Variants in HDLBP observed in about 807,000 individuals in gnomAD.
HDLBP encodes high density lipoprotein binding protein, also known as vigilin.
Under a neutral mutation model 137.3 loss-of-function variants are expected in HDLBP, and 30 were observed. The observed-to-expected ratio is 0.22, with a 90% CI of 0.16 to 0.30. The LOEUF is 0.30. Ranked by LOEUF, HDLBP falls within the 10% of genes least tolerant of loss-of-function variation. The pLI, the probability that HDLBP is intolerant of heterozygous loss-of-function variation, is 1.00. For synonymous variants in HDLBP, 606 were observed against 596.0 expected (o/e 1.02, Z -0.24); for missense variants, 1,119 against 1,667.3 (o/e 0.67, Z 5.73).
intron 1 of HDLBP, among the ~76,000 whole-genome samples, chr2:241,310,726 C>A (rs1236216317): frequency 6.6e-6 from 1 of 152,122 alleles, no homozygotes; most frequent in African/African-American, 2.4e-5. Context: ...CGTTGAAGAA[C>A]ATGAGTTGCA....
intron 1 of HDLBP, among the ~76,000 whole-genome samples, chr2:241,279,516 C>T (rs1038798732): frequency 2.6e-5 from 4 of 152,092 alleles, no homozygotes; most frequent in African/African-American, 4.8e-5. Context: ...GTGCTAGTGC[C>T]GGGGACAGAC....
chr2:241,292,957 C>A (rs997484164), intron 1 of HDLBP, among the ~76,000 whole-genome samples: 1 of 152,032 alleles, frequency 6.6e-6, no homozygotes, highest in Admixed American at 6.6e-5. Context: ...CACTTGAGTG[C>A]GGGGAGGCTG....
At chr2:241,252,899 A>AC in intron 11 of HDLBP, 58 bp downstream of exon 11, 7 of 1,164,772 alleles carry the variant, frequency 6.0e-6, no homozygotes, top group South Asian at 1.3e-5. Flanking sequence ...CACAGCTGAC[A>AC]CCCCCCACAA....
intron 24 of HDLBP, among the ~76,000 whole-genome samples, chr2:241,232,426 C>T (rs539780758): frequency 6.6e-6 from 1 of 152,156 alleles, no homozygotes; most frequent in East Asian, 1.9e-4. Context: ...CAGGTGCACG[C>T]GACCACGCCT....
intron 1 of HDLBP, among the ~76,000 whole-genome samples, chr2:241,298,823 C>G (rs963287420): frequency 2.6e-5 from 4 of 152,170 alleles, no homozygotes; most frequent in African/African-American, 9.7e-5. Context: ...ACCAAACAAA[C>G]CCACAATAAG....
intron 1 of HDLBP, chr2:241,268,872 C>T (rs1298977633): frequency 6.6e-6 from 1 of 152,220 alleles, no homozygotes. Context: ...TGCTCTCCTG[C>T]ATGGCTGGAT....
chr2:241,234,362 G>C (rs1165816075), intron 23 of HDLBP, among the ~76,000 whole-genome samples: 1 of 152,214 alleles, frequency 6.6e-6, no homozygotes, highest in Non-Finnish European at 1.5e-5. Context: ...AGACCAAGAA[G>C]AGGGGGCAGC....
In HDLBP at chr2:241,303,574, C is replaced by T. The variant is rs150130648; in HGVS notation, c.-103+11996G>A. 2.7e-3 allele frequency among the ~76,000 whole-genome samples: 408 copies of T among 152,252 alleles called. 5 individuals are homozygous for T. Among genetic ancestry groups the T allele is most frequent in the Admixed American group, 2.9e-3 (45 of 15,292 alleles). ...AGGCACCTGCTTAGCATCCCTGGAT[C>T]GCAAGTTTGTTAATCCAAGCACATG... is the stretch of plus-strand genomic sequence containing the variant. On this transcript the variant is annotated intron_variant, in intron 1 of 27. Transcript: ENST00000310931.
At chr2:241,278,986 C>T (rs1001580198) in intron 1 of HDLBP, among the ~76,000 whole-genome samples, 10 of 152,164 alleles carry the variant, frequency 6.6e-5, no homozygotes, top group Admixed American at 6.5e-4. Context: ...GATCACGCCA[C>T]TGCACTGCCG....
chr2:241,277,358 G>C (rs1057318033), intron 1 of HDLBP, among the ~76,000 whole-genome samples: 1 of 152,024 alleles, frequency 6.6e-6, no homozygotes, highest in East Asian at 1.9e-4. Flanking sequence ...TGAACTAAAA[G>C]ACATATACCA....
rs1357101381 is a variant in HDLBP, at chr2:241,238,841, GGCAAGTTTTACA to G, written c.2611-66_2611-55del. On this transcript the variant is annotated intron_variant, in intron 19 of 27. Coordinates refer to ENST00000310931, the MANE Select transcript of HDLBP (RefSeq NM_005336.6). This position sits in a 1 kb window ranked among gnomAD's most constrained non-coding sequence, Gnocchi z 4.9. ...AAAGAGCAAAGATTAAATTCCTTAGGGCAAGTTTTACAGCACTCTTCACACCACCTTCCTCCC... is the reference window on the plus strand; with the variant it reads ...AAAGAGCAAAGATTAAATTCCTTAGGGCACTCTTCACACCACCTTCCTCCC... The G allele has an allele frequency of 2.1e-6, 3 of 1,447,506 alleles. No homozygotes were observed. The highest frequency in any genetic ancestry group is 2.8e-6 in the Non-Finnish European group (3 of 1,080,730). The allele number at this position is 1,447,506 out of a possible 1,614,324, so 89.7% of individuals were successfully genotyped here. A position where few individuals can be genotyped will look rare whatever the true frequency, so the allele number is the denominator to read the frequency against.
chr2:241,230,735 C>T lies in HDLBP; in HGVS notation c.3474+24G>A, dbSNP rs374714304. 2 of 1,609,582 alleles carry T rather than the reference C, an allele frequency of 1.2e-6. No individual in the cohort carries two copies. Among genetic ancestry groups the T allele is most frequent in the Admixed American group, 1.7e-5 (1 of 59,922 alleles). ...GCCCCCGGTGAGAGAGGATTCTCAC[C>T]CACTGTGCTTCCAGCCGGCTCACCT... On this transcript the variant is annotated intron_variant, in intron 25 of 27. Transcript: ENST00000310931. The surrounding 1 kb of genome is among the most constrained non-coding windows in gnomAD (Gnocchi z 5.0).
intron 1 of HDLBP, among the ~76,000 whole-genome samples, chr2:241,314,862 G>A (rs2149748954): frequency 6.6e-6 from 1 of 152,286 alleles, no homozygotes; most frequent in African/African-American, 2.4e-5. Flanking sequence ...CTAAGCGGGG[G>A]AAACCTAGGA....
intron 1 of HDLBP, among the ~76,000 whole-genome samples, chr2:241,278,403 C>T (rs548653764): frequency 2.0e-5 from 3 of 151,964 alleles, no homozygotes; most frequent in South Asian, 2.1e-4. Context: ...GCCAATATGG[C>T]GAAACTCCGT....
intron 16 of HDLBP, among the ~76,000 whole-genome samples, chr2:241,245,112 TAATA>T (rs1574898687): frequency 1.3e-5 from 2 of 152,168 alleles, no homozygotes; most frequent in African/African-American, 2.4e-5. Context: ...TAAACATATG[TAATA>T]AATATAAATA....
intron 2 of HDLBP, 24 bp from the exon 3 acceptor site, chr2:241,266,930 G>T: frequency 1.3e-6 from 2 of 1,526,366 alleles, no homozygotes; most frequent in South Asian, 2.2e-5. Flanking sequence ...GAATAAATCA[G>T]AAGTCAAAGT....
At chr2:241,284,661 A>T (rs942872734) in intron 1 of HDLBP, among the ~76,000 whole-genome samples, 7 of 152,238 alleles carry the variant, frequency 4.6e-5, no homozygotes, top group Non-Finnish European at 1.0e-4. Flanking sequence ...CAATCAAACA[A>T]CATCACGTGC....
chr2:241,293,960 G>C (rs948421735), intron 1 of HDLBP, among the ~76,000 whole-genome samples: 1 of 150,944 alleles, frequency 6.6e-6, no homozygotes, highest in Non-Finnish European at 1.5e-5. Flanking sequence ...ATAGCTACTT[G>C]GTCAATCAAA....
intron 11 of HDLBP, among the ~76,000 whole-genome samples, chr2:241,251,963 G>A (rs62186370): frequency 0.2 from 29,817 of 152,078 alleles, 3,515 homozygotes; most frequent in Middle Eastern, 0.27. Flanking sequence ...GTGACAGAGC[G>A]AGACTCCGTC....
Sources: allele counts gnomAD v4.1 joint callset (sites outside exome capture counted in the v4.1 genomes callset), GRCh38; gene constraint gnomAD v4.1.1; non-coding constraint Gnocchi (gnomAD v3.1); transcripts MANE v1.5; gene names NCBI Gene and HGNC (gene_info 2026-07-23, HGNC 2026-07-21).